PHC1: variants seen among roughly 807,000 people sequenced by gnomAD.
PHC1 encodes the protein polyhomeotic homolog 1, also known as polyhomeotic-like protein 1.
Under a neutral mutation model 104.3 loss-of-function variants are expected in PHC1, and 12 were observed. The ratio of observed to expected loss-of-function variants is 0.12; its 90% CI spans 0.07 to 0.19. PHC1 has a LOEUF of 0.19. Among genes scored for constraint, PHC1 ranks in the 10% least tolerant of loss-of-function variants. PHC1 has a pLI of 1.00. For synonymous variants in PHC1, 302 were observed against 455.8 expected (o/e 0.66, Z 4.30); for missense variants, 671 against 1,200.0 (o/e 0.56, Z 6.51).
chr12:8,929,234 A>C (rs1945613126), intron 6 of PHC1, among the ~76,000 whole-genome samples: 1 of 152,138 alleles, frequency 6.6e-6, no homozygotes, highest in South Asian at 2.1e-4. Flanking sequence ...CTTTCCCTTT[A>C]TCCATATTTT....
At chr12:8,939,239 A>G in intron 14 of PHC1, 66 bp from the exon 15 acceptor site, 1 of 1,579,182 alleles carries the variant, frequency 6.3e-7, no homozygotes, top group South Asian at 1.1e-5. Context: ...GCTAGACCTC[A>G]GTTTCATTTA....
At chr12:8,920,774 C>T (rs1000227089) in intron 3 of PHC1, among the ~76,000 whole-genome samples, 4 of 152,114 alleles carry the variant, frequency 2.6e-5, no homozygotes, top group African/African-American at 7.2e-5. Flanking sequence ...CCTCTCTGCC[C>T]CAGGAGGGTT....
chr12:8,931,030 G>A (rs922801736), intron 7 of PHC1, 103 bp downstream of exon 7: 14 of 1,188,128 alleles, frequency 1.2e-5, no homozygotes, highest in East Asian at 1.0e-4. Flanking sequence ...TTTTTTCCCC[G>A]CTTCTGTTGG....
In PHC1 at chr12:8,930,579, G is replaced by A. The variant is rs748099272; in HGVS notation, c.757G>A (p.Ala253Thr). Reference protein sequence around the residue: ...ASSQALAVAQASSGATNQSLN... With the variant: ...ASSQALAVAQTSSGATNQSLN... Reference sequence around the variant, plus strand: ...TAGCCAGGCCCTAGCGGTGGCACAGGCTTCCTCTGGGGCCACAAACCAGTC... The same window carrying A: ...TAGCCAGGCCCTAGCGGTGGCACAGACTTCCTCTGGGGCCACAAACCAGTC... The change falls in exon 7 of 15, where the codon GCT becomes ACT. Residue 253 changes from alanine to threonine, a missense_variant. Ala to Thr is a moderately conservative substitution (Grantham distance 58). Around this residue, in one of 9 missense-constraint regions of PHC1, gnomAD observed 237 missense variants for 331.1 expected, o/e 0.72. Coordinates refer to ENST00000544916, the MANE Select transcript of PHC1 (RefSeq NM_004426.3). 3.8e-6 allele frequency: 6 copies of A among 1,564,602 alleles called. No homozygotes were observed. Among genetic ancestry groups the A allele is most frequent in the Non-Finnish European group, 5.2e-6 (6 of 1,153,078 alleles).
At chr12:8,933,808 TTCCTTATTA>T (rs1199148454) in intron 8 of PHC1, 48 bp from the exon 9 acceptor site, 2 of 1,443,874 alleles carry the variant, frequency 1.4e-6, no homozygotes, top group African/African-American at 2.8e-5. Flanking sequence ...ATAATTGTGG[TTCCTTATTA>T]TCCTTCATTT....
intron 7 of PHC1, among the ~76,000 whole-genome samples, chr12:8,932,161 AG>A (rs1422930165): frequency 6.6e-6 from 1 of 152,208 alleles, no homozygotes; most frequent in African/African-American, 2.4e-5. Flanking sequence ...GCTGTGTTTT[AG>A]GGATGTGAAA....
Position 8,925,283 on chromosome 12 carries a change from C to T in PHC1, c.612+2495C>T, listed in dbSNP as rs182283954. Among the ~76,000 whole-genome samples, 9 of 152,198 alleles carry T rather than the reference C, an allele frequency of 5.9e-5. No individual in the cohort carries two copies. In the East Asian group the frequency reaches 7.7e-4, roughly 13 times the overall value. On this transcript the variant is annotated intron_variant, in intron 6 of 14. Coordinates refer to ENST00000544916, the MANE Select transcript of PHC1 (RefSeq NM_004426.3). The stretch of plus-strand genomic sequence containing the variant: ...TTTGACTGCTTGAAGAATGCCTGGA[C>T]GTAGTGAGTGTTTAGGAGAAACTAC...
At chr12:8,931,269 A>T (rs1046021813) in intron 7 of PHC1, among the ~76,000 whole-genome samples, 1 of 152,214 alleles carries the variant, frequency 6.6e-6, no homozygotes, top group Non-Finnish European at 1.5e-5. Context: ...ATTACTGGGG[A>T]TACATTTTTG....
chr12:8,922,610 C>T (rs777405687), intron 5 of PHC1, 23 bp from the exon 6 acceptor site: 3 of 1,552,526 alleles, frequency 1.9e-6, no homozygotes, highest in East Asian at 4.8e-5. Context: ...CCTCTTTGCT[C>T]TTCCTCTTCC....
Position 8,922,797 on chromosome 12 carries a change from C to A in PHC1, c.612+9C>A. On this transcript the variant is annotated intron_variant, in intron 6 of 14. Coordinates refer to ENST00000544916, the MANE Select transcript of PHC1 (RefSeq NM_004426.3). ...ATGCAGATGCAGATCAGGTTAGTGG[C>A]GATGACTTTACCTGTGGGTGGGCAC... is the stretch of plus-strand genomic sequence containing the variant. The A allele has an allele frequency of 1.2e-6, 2 of 1,611,246 alleles. No individual in the cohort carries two copies. Among genetic ancestry groups the A allele is most frequent in the East Asian group, 2.2e-5 (1 of 44,846 alleles).
chr12:8,928,873 A>G (rs758812710), intron 6 of PHC1, among the ~76,000 whole-genome samples: 3 of 152,168 alleles, frequency 2.0e-5, no homozygotes, highest in African/African-American at 7.2e-5. Flanking sequence ...GGAGTTTATT[A>G]ATTGTAGTTT....
rs144692924 is a variant in PHC1 at position 8,919,974 on chromosome 12, C to T, written c.225+108C>T. ...ATCCTATACTAAGCCAGGCTGCAGACAGCCTCCTCCGCCTCCTGTCCTTCT... is the reference window on the plus strand; with the variant it reads ...ATCCTATACTAAGCCAGGCTGCAGATAGCCTCCTCCGCCTCCTGTCCTTCT... On this transcript the variant is annotated intron_variant, in intron 3 of 14. Coordinates refer to ENST00000544916, the MANE Select transcript of PHC1 (RefSeq NM_004426.3). This position sits in a 1 kb window ranked among gnomAD's most constrained non-coding sequence, Gnocchi z 4.9. The T allele has an allele frequency of 6.7e-6, 10 of 1,490,090 alleles. No homozygotes were observed. In the Middle Eastern group the frequency reaches 5.2e-4, roughly 78 times the overall value. The allele number at this position is 1,490,090 out of a possible 1,614,324, so 92.3% of individuals were successfully genotyped here.
chr12:8,933,596 A>G, intron 8 of PHC1: 1 of 625,474 alleles, frequency 1.6e-6, no homozygotes, highest in African/African-American at 1.8e-5. Flanking sequence ...GCCTTAACCA[A>G]ATCAGTCTTT....
Position 8,926,707 on chromosome 12 carries a change from C to T in PHC1, c.613-3728C>T, listed in dbSNP as rs538381750. 1.4e-3 allele frequency among the ~76,000 whole-genome samples: 214 copies of T among 152,046 alleles called. 1 individual carries two copies. The highest frequency in any genetic ancestry group is 3.4e-3 in the Middle Eastern group (1 of 294). On this transcript the variant is annotated intron_variant, in intron 6 of 14. Transcript: ENST00000544916. ...GGTGGATCACCCGAGGTCAGGAGTT[C>T]GAGACCATCCAGCCTGATCAACATG...
intron 14 of PHC1, among the ~76,000 whole-genome samples, chr12:8,938,551 G>A (rs1232796861): frequency 5.3e-5 from 8 of 151,310 alleles, no homozygotes; most frequent in Non-Finnish European, 1.0e-4. Flanking sequence ...CAAAGTGCTG[G>A]GATTATAGGT....
At chr12:8,937,805 T>C (rs1237366774) in intron 13 of PHC1, 24 bp from the exon 14 acceptor site, 2 of 1,580,262 alleles carry the variant, frequency 1.3e-6, no homozygotes, top group Non-Finnish European at 1.7e-6. Context: ...ACTGACCTCA[T>C]TGGTTTGCTC....
chr12:8,933,843 T>C (rs370516143), intron 8 of PHC1, 22 bp from the exon 9 acceptor site: 1 of 1,592,174 alleles, frequency 6.3e-7, no homozygotes, highest in African/African-American at 1.3e-5. Flanking sequence ...TCTTTGTTTC[T>C]TTCCTATTCT....
intron 6 of PHC1, 138 bp from the exon 7 acceptor site, chr12:8,930,297 A>C: frequency 7.6e-7 from 1 of 1,323,264 alleles, no homozygotes; most frequent in East Asian, 2.5e-5. Context: ...GAAGGCCTTA[A>C]AGTATATGGT....
chr12:8,932,437 T>G (rs1274493046), intron 7 of PHC1, 126 bp from the exon 8 acceptor site: 6 of 958,932 alleles, frequency 6.3e-6, no homozygotes, highest in Non-Finnish European at 9.4e-6. Context: ...ACTGACTAGA[T>G]TTCTTTTCAC....
Sources: gnomAD v4.1 joint callset for allele counts (sites outside exome capture counted in the v4.1 genomes callset) on GRCh38, gnomAD v4.1.1 for gene constraint, gnomAD v4.1.1 regional missense constraint, Gnocchi (gnomAD v3.1) non-coding constraint, MANE v1.5 for transcripts, NCBI Gene and HGNC (gene_info 2026-07-23, HGNC 2026-07-21) for gene names.